Variants in C14orf39 observed in about 807,000 individuals in gnomAD.
The protein encoded by C14orf39 is chromosome 14 open reading frame 39.
In C14orf39, 66 loss-of-function variants were observed where a neutral mutation model predicts 85.6. The ratio of observed to expected loss-of-function variants is 0.77; its 90% CI spans 0.63 to 0.95. The LOEUF (loss-of-function observed/expected upper bound fraction) is 0.95. Among genes scored for constraint, C14orf39 ranks in the 40% least tolerant of loss-of-function variants. The pLI is 0.00. For missense variants in C14orf39, 735 were observed against 663.9 expected (o/e 1.11, Z -1.18); for synonymous variants, 242 against 214.0 (o/e 1.13, Z -1.14).
chr14:60,447,121 T>A (rs1890803621), intron 16 of C14orf39, among the ~76,000 whole-genome samples: 1 of 152,296 alleles, frequency 6.6e-6, no homozygotes, highest in Admixed American at 6.5e-5. Flanking sequence ...CTGGAAGCAT[T>A]CCCTTTGAAA....
In C14orf39 at chr14:60,483,775, C is replaced by T. The variant is rs1295794884; in HGVS notation, c.149G>A (p.Arg50Lys). The change falls in exon 4 of 18, where the codon AGG becomes AAG. Residue 50 changes from arginine (R) to lysine (K), a missense_variant. Coordinates refer to ENST00000321731, the MANE Select transcript of C14orf39 (RefSeq NM_174978.3). ...DIKENKVTIC[R>K]IHETINATDE... ...TGTTGCATTTATAGTTTCGTGTATCCTACAAATAGTTACTTTGTTTTCCTT... is the reference window on the plus strand; with the variant it reads ...TGTTGCATTTATAGTTTCGTGTATCTTACAAATAGTTACTTTGTTTTCCTT... 1 of 1,554,932 alleles carries T rather than the reference C, an allele frequency of 6.4e-7. No homozygotes were observed. The highest frequency in any genetic ancestry group is 2.3e-5 in the East Asian group (1 of 43,832).
chr14:60,483,539 A>G lies in C14orf39; in HGVS notation c.233+152T>C, dbSNP rs1595487127. ...GTTCTATTTCTCTTCTGATCCTCCT[A>G]TAATCCCTTTACATAGTGGCATAAC... On this transcript the variant is annotated intron_variant, in intron 4 of 17. Transcript: ENST00000321731. 1.6e-5 allele frequency: 9 copies of G among 562,622 alleles called. No homozygotes were observed. In the East Asian group the frequency reaches 2.7e-4, roughly 17 times the overall value. 34.9% of individuals were successfully genotyped at this position (562,622 alleles called of 1,614,324 possible). A position where few individuals can be genotyped will look rare whatever the true frequency, so the allele number is the denominator to read the frequency against.
intron 2 of C14orf39, chr14:60,496,067 CAG>C: frequency 1.3e-6 from 1 of 783,866 alleles, no homozygotes. Flanking sequence ...TCAAGGCATC[CAG>C]AGACAGACCT....
intron 4 of C14orf39, among the ~76,000 whole-genome samples, chr14:60,483,472 A>G (rs1892734721): frequency 6.6e-6 from 1 of 152,218 alleles, no homozygotes; most frequent in Non-Finnish European, 1.5e-5. Flanking sequence ...GTTTATAGTT[A>G]GATTAAGTGG....
intron 15 of C14orf39, among the ~76,000 whole-genome samples, chr14:60,456,426 C>CTTT (rs11417576): frequency 2.8e-5 from 4 of 142,308 alleles, no homozygotes; most frequent in African/African-American, 5.2e-5. Flanking sequence ...TTTAGCTTGA[C>CTTT]TTTTTTTTTT....
intron 1 of C14orf39, chr14:60,509,915 G>A: frequency 1.2e-6 from 2 of 1,611,924 alleles, no homozygotes; most frequent in Non-Finnish European, 1.7e-6. Flanking sequence ...TACGCAGGTG[G>A]GCAACTGGTT....
At chr14:60,439,733 T>C (rs1232122533) in intron 17 of C14orf39, among the ~76,000 whole-genome samples, 1 of 152,186 alleles carries the variant, frequency 6.6e-6, no homozygotes, top group African/African-American at 2.4e-5. Flanking sequence ...TGTATTATAT[T>C]TGAAAACACT....
At chr14:60,505,623 C>T (rs1357589746) in intron 1 of C14orf39, among the ~76,000 whole-genome samples, 2 of 152,146 alleles carry the variant, frequency 1.3e-5, no homozygotes. Context: ...GTCTGTGACT[C>T]TCAGATGCAG....
chr14:60,513,827 C>T (rs1893327212), intron 1 of C14orf39, among the ~76,000 whole-genome samples: 1 of 152,158 alleles, frequency 6.6e-6, no homozygotes, highest in Non-Finnish European at 1.5e-5. Context: ...CAGTTTATTG[C>T]TTGGACAAAA....
At chr14:60,441,617 T>A (rs1274864994) in intron 17 of C14orf39, among the ~76,000 whole-genome samples, 1 of 152,170 alleles carries the variant, frequency 6.6e-6, no homozygotes, top group East Asian at 1.9e-4. Context: ...TTGTCCACTG[T>A]CACCACAGCC....
intron 16 of C14orf39, among the ~76,000 whole-genome samples, chr14:60,453,990 T>TA (rs199591929): frequency 1.3e-5 from 2 of 151,940 alleles, no homozygotes; most frequent in East Asian, 3.8e-4. Context: ...TACATTTATA[T>TA]ACATGCATTT....
chr14:60,504,920 C>T (rs1212713763), intron 1 of C14orf39, among the ~76,000 whole-genome samples: 1 of 152,176 alleles, frequency 6.6e-6, no homozygotes, highest in Non-Finnish European at 1.5e-5. Context: ...AATTAATCAT[C>T]ACTGTGAAGT....
chr14:60,466,480 T>C (rs181690324), intron 10 of C14orf39, among the ~76,000 whole-genome samples: 2 of 151,868 alleles, frequency 1.3e-5, no homozygotes, highest in Admixed American at 6.6e-5. Context: ...AAAACCATGA[T>C]TACTTTTGCA....
intron 10 of C14orf39, 103 bp from the exon 11 acceptor site, chr14:60,466,158 A>G (rs534545363): frequency 1.3e-5 from 6 of 467,564 alleles, no homozygotes; most frequent in African/African-American, 6.1e-5. Context: ...TCAAGTCTAC[A>G]TGAATTTTTA....
At chr14:60,473,580 T>C (rs1892213187) in intron 5 of C14orf39, among the ~76,000 whole-genome samples, 1 of 152,200 alleles carries the variant, frequency 6.6e-6, no homozygotes, top group African/African-American at 2.4e-5. Flanking sequence ...AATTTTTGTA[T>C]AAGGCGTAAG....
chr14:60,459,481 G>A (rs531156665), intron 13 of C14orf39, among the ~76,000 whole-genome samples: 12 of 151,090 alleles, frequency 7.9e-5, no homozygotes, highest in Admixed American at 1.3e-4. Context: ...CCAATTTTTC[G>A]TGGTAATTTG....
chr14:60,509,322 A>T, intron 1 of C14orf39: 1 of 1,287,958 alleles, frequency 7.8e-7, no homozygotes, highest in Non-Finnish European at 1.1e-6. Context: ...CGCCTGGCAC[A>T]CTCAGCCAGG....
rs1433623511 is a variant in C14orf39, at chr14:60,457,049, T to C, written c.1226A>G (p.Asp409Gly). Residue 409 changes from aspartate to glycine, a missense_variant, in exon 15 of 18, where the codon GAT becomes GGT. Asp to Gly is a moderately conservative substitution (Grantham distance 94). Transcript: ENST00000321731. Reference sequence around the variant, plus strand: ...ATTCTCAGCTCTCTCTTCTACTTCATCACTATCATTTTCTACTGACTTCCC... The same window carrying C: ...ATTCTCAGCTCTCTCTTCTACTTCACCACTATCATTTTCTACTGACTTCCC... ...HFGKSVENDS[D>G]EVEERAENFP... 6.2e-7 allele frequency: 1 copy of C among 1,606,820 alleles called. No homozygotes were observed. The highest frequency in any genetic ancestry group is 1.3e-5 in the African/African-American group (1 of 74,392).
chr14:60,496,357 G>T, intron 2 of C14orf39: 1 of 346,494 alleles, frequency 2.9e-6, no homozygotes, highest in Non-Finnish European at 5.7e-6. Context: ...TCACATTTGT[G>T]TTGGCCACTT....
Sources: gnomAD v4.1 joint callset for allele counts (sites outside exome capture counted in the v4.1 genomes callset) on GRCh38, gnomAD v4.1.1 for gene constraint, MANE v1.5 for transcripts, NCBI Gene and HGNC (gene_info 2026-07-23, HGNC 2026-07-21) for gene names.